The following KCNQ2 variants were observed in gnomAD, a reference collection of about 807,000 sequenced individuals.
KCNQ2 encodes potassium voltage-gated channel subfamily Q member 2.
In KCNQ2, 14 loss-of-function variants were observed where a neutral mutation model predicts 84.8. That is an observed-to-expected ratio of 0.17 (90% CI 0.11 to 0.26). The LOEUF is 0.26. KCNQ2 is among the 10% of genes least tolerant of loss of function. KCNQ2 has a pLI of 1.00. For synonymous variants in KCNQ2, 599 were observed against 554.1 expected, an observed-to-expected ratio of 1.08 and a Z score of -1.14; for missense variants, 788 against 1,254.0, an observed-to-expected ratio of 0.63 and a Z score of 5.61.
At chr20:63,424,789 G>A (rs1364910184) in intron 10 of KCNQ2, among the ~76,000 whole-genome samples, 1 of 152,258 alleles carries the variant, frequency 6.6e-6, no homozygotes, top group Non-Finnish European at 1.5e-5. Context: ...ATCTGGGGCT[G>A]TTTCCGCGGG....
intron 15 of KCNQ2, among the ~76,000 whole-genome samples, chr20:63,412,662 G>A (rs909746988): frequency 2.0e-5 from 3 of 152,214 alleles, no homozygotes; most frequent in Non-Finnish European, 4.4e-5. Flanking sequence ...GTGACCCCCA[G>A]GCTGTCCCTG....
chr20:63,472,146 G>T (rs767864106), intron 1 of KCNQ2, 22 bp downstream of exon 1: 1 of 1,473,730 alleles, frequency 6.8e-7, no homozygotes, highest in Non-Finnish European at 9.0e-7. Flanking sequence ...GGGTCGCCAC[G>T]GGGGCCCCGC....
In KCNQ2 at chr20:63,433,914, AAAGAC is replaced by A. The variant is rs1256905635; in HGVS notation, c.1024-16_1024-12del. 4.3e-6 allele frequency: 7 copies of A among 1,612,378 alleles called. No individual in the cohort carries two copies. In the Admixed American group the frequency reaches 1.0e-4, roughly 23 times the overall value. On this transcript the variant is annotated splice_polypyrimidine_tract_variant and intron_variant, in intron 7 of 16. Transcript: ENST00000359125. ...GAATCTCCAGGCCGACTGCGGAGGG[AAAGAC>A]AAGGCAGTTGGCGAGGGGCAGGCGG...
At chr20:63,412,693 G>GT (rs1374985973) in intron 15 of KCNQ2, among the ~76,000 whole-genome samples, 1 of 152,226 alleles carries the variant, frequency 6.6e-6, no homozygotes, top group Non-Finnish European at 1.5e-5. Flanking sequence ...CCTTCTCCCT[G>GT]TAACAGGGGC....
At chr20:63,445,606 A>C in intron 2 of KCNQ2, 2 of 73,950 alleles carry the variant, frequency 2.7e-5, no homozygotes, top group Middle Eastern at 2.4e-3. Flanking sequence ...CACCCTCCCC[A>C]CCTCCCTGTC....
rs1274894701 is a variant in KCNQ2, at chr20:63,446,299, C to T, written c.387+448G>A. 3.9e-6 allele frequency: 1 copy of T among 255,370 alleles called. No individual in the cohort carries two copies. The highest frequency in any genetic ancestry group is 7.7e-6 in the Non-Finnish European group (1 of 130,174). The allele number at this position is 255,370 out of a possible 1,614,324, so 15.8% of individuals were successfully genotyped here. On this transcript the variant is annotated intron_variant, in intron 2 of 16. Coordinates refer to ENST00000359125, the MANE Select transcript of KCNQ2 (RefSeq NM_172107.4). The surrounding 1 kb of genome is among the most constrained non-coding windows in gnomAD (Gnocchi z 5.5). Reference sequence around the variant, plus strand: ...TCCTTGAGGGCCCCCCACCCCGTTACCAACAGCAACACAGGAACTGCACTC... The same window carrying T: ...TCCTTGAGGGCCCCCCACCCCGTTATCAACAGCAACACAGGAACTGCACTC...
intron 1 of KCNQ2, among the ~76,000 whole-genome samples, chr20:63,454,590 C>T (rs1253678673): frequency 1.3e-5 from 2 of 152,244 alleles, no homozygotes; most frequent in Non-Finnish European, 2.9e-5. Context: ...TCGGCCGAAC[C>T]GTGGGGAAGA....
rs1045094844 is a variant in KCNQ2 at position 63,414,391 on chromosome 20, G to C, written c.1526-198C>G. Among the ~76,000 whole-genome samples the C allele has an allele frequency of 2.0e-5, 3 of 152,184 alleles. No homozygotes were observed. The highest frequency in any genetic ancestry group is 7.2e-5 in the African/African-American group (3 of 41,462). On this transcript the variant is annotated intron_variant, in intron 13 of 16. Coordinates refer to ENST00000359125, the MANE Select transcript of KCNQ2 (RefSeq NM_172107.4). This position sits in a 1 kb window ranked among gnomAD's most constrained non-coding sequence, Gnocchi z 6.6. The stretch of plus-strand genomic sequence containing the variant: ...CTCGAGTCAGGACCTTCCCCGGCAG[G>C]CTGTGGCCACAGGGAGTGGCCGATA...
At chr20:63,426,776 G>C (rs2080647086) in intron 10 of KCNQ2, among the ~76,000 whole-genome samples, 1 of 151,948 alleles carries the variant, frequency 6.6e-6, no homozygotes, top group Non-Finnish European at 1.5e-5. Context: ...ACTTCCTCCT[G>C]AGCCCGCACC....
rs774318503 is a variant in KCNQ2, at chr20:63,413,430, C to T, written c.1763+20G>A. 2.5e-5 allele frequency: 41 copies of T among 1,612,834 alleles called. No homozygotes were observed. The highest frequency in any genetic ancestry group is 3.4e-5 in the Non-Finnish European group (40 of 1,179,852). ...CACCCCGTTCTTGTCCCCTGCTGGACAGGCAGGCGGGGCTCTTGCCTGGAC... is the reference window on the plus strand; with the variant it reads ...CACCCCGTTCTTGTCCCCTGCTGGATAGGCAGGCGGGGCTCTTGCCTGGAC... On this transcript the variant is annotated intron_variant, in intron 15 of 16. Coordinates refer to ENST00000359125, the MANE Select transcript of KCNQ2 (RefSeq NM_172107.4).
rs533275961 is a variant in KCNQ2, at chr20:63,405,525, G to T, written c.*1119C>A. The T allele has an allele frequency of 4.6e-5, 7 of 152,702 alleles. No homozygotes were observed. The East Asian group carries it at 1.2e-3, about 25-fold the overall frequency. The allele number at this position is 152,702 out of a possible 1,614,324, so 9.5% of individuals were successfully genotyped here. A position where few individuals can be genotyped will look rare whatever the true frequency, so the allele number is the denominator to read the frequency against. ...AGGGCGCACAGCTGGGCTGAGGTGG[G>T]AGTGGTTTCCTCCGGAAAGGCGGGG... On this transcript the variant is annotated 3_prime_UTR_variant, in exon 17 of 17. Coordinates refer to ENST00000359125, the MANE Select transcript of KCNQ2 (RefSeq NM_172107.4).
chr20:63,470,049 G>A (rs770368002), intron 1 of KCNQ2, among the ~76,000 whole-genome samples: 1 of 152,264 alleles, frequency 6.6e-6, no homozygotes, highest in Admixed American at 6.5e-5. Context: ...CAGCTGTGCC[G>A]ACGTTACCGA....
Position 63,408,463 on chromosome 20 carries a change from G to T in KCNQ2, c.1837C>A (p.Leu613Met), listed in dbSNP as rs1440370788. The T allele has an allele frequency of 6.2e-7, 1 of 1,608,474 alleles. No individual in the cohort carries two copies. Residue 613 changes from leucine to methionine, a missense_variant, in exon 16 of 17, where the codon CTG (leucine) becomes ATG (methionine). This residue lies in a region of KCNQ2 where 378 missense variants were observed against 434.5 expected (regional missense o/e 0.87). Transcript: ENST00000359125. This position sits in a 1 kb window ranked among gnomAD's most constrained non-coding sequence, Gnocchi z 5.0. ...CCCATCATGCTGGGGTCCTCGGGCA[G>T]CTCCGCCTCGGCCGGGCCCTTGGTG... ...DRTKGPAEAELPEDPSMMGRL... is the reference protein window; with the variant it reads ...DRTKGPAEAEMPEDPSMMGRL...
In KCNQ2 at chr20:63,404,220, T is replaced by C. The variant is rs2079867618; in HGVS notation, c.*2424A>G. On this transcript the variant is annotated 3_prime_UTR_variant, in exon 17 of 17. Coordinates refer to ENST00000359125, the MANE Select transcript of KCNQ2 (RefSeq NM_172107.4). The stretch of plus-strand genomic sequence containing the variant: ...AGGTGCTCATGCCTCAGCGGCCCCA[T>C]GGGAGGAAAGAGCAGGCGGGGCCTC... 6.6e-6 allele frequency: 1 copy of C among 151,734 alleles called. No individual in the cohort carries two copies. The highest frequency in any genetic ancestry group is 1.5e-5 in the Non-Finnish European group (1 of 68,068). The allele number at this position is 151,734 out of a possible 1,614,324, so 9.4% of individuals were successfully genotyped here. A position where few individuals can be genotyped will look rare whatever the true frequency, so the allele number is the denominator to read the frequency against.
At chr20:63,464,306 C>T (rs993820454) in intron 1 of KCNQ2, among the ~76,000 whole-genome samples, 4 of 151,914 alleles carry the variant, frequency 2.6e-5, no homozygotes, top group South Asian at 2.1e-4. Context: ...CCACTCAAGC[C>T]GATGTCTCCT....
intron 12 of KCNQ2, among the ~76,000 whole-genome samples, chr20:63,418,202 C>G (rs879908937): frequency 1.3e-5 from 2 of 152,346 alleles, no homozygotes; most frequent in Admixed American, 1.3e-4. Flanking sequence ...AACAAGCGCA[C>G]GCGAAAAGCT....
At chr20:63,471,831 C>G (rs1362658436) in intron 1 of KCNQ2, 2 of 285,554 alleles carry the variant, frequency 7.0e-6, no homozygotes, top group Admixed American at 5.5e-5. Flanking sequence ...GCGCTGCCGC[C>G]GTCCCTCCCC....
chr20:63,431,594 C>T (rs2080788882), intron 8 of KCNQ2, among the ~76,000 whole-genome samples: 1 of 152,020 alleles, frequency 6.6e-6, no homozygotes, highest in South Asian at 2.1e-4. Context: ...CAGGGCCAGG[C>T]TCCTAAGGTC....
At chr20:63,409,680 C>T (rs1194862126) in intron 15 of KCNQ2, among the ~76,000 whole-genome samples, 3 of 152,320 alleles carry the variant, frequency 2.0e-5, no homozygotes, top group Non-Finnish European at 2.9e-5. Flanking sequence ...GAAGACTGCC[C>T]CACACCAGCC....
Sources: gnomAD v4.1 joint callset for allele counts (sites outside exome capture counted in the v4.1 genomes callset) on GRCh38, gnomAD v4.1.1 for gene constraint, gnomAD v4.1.1 regional missense constraint, Gnocchi (gnomAD v3.1) non-coding constraint, MANE v1.5 for transcripts, NCBI Gene and HGNC (gene_info 2026-07-23, HGNC 2026-07-21) for gene names.